The following ADGRA3 variants were observed in gnomAD, a reference collection of about 807,000 sequenced individuals.
ADGRA3 encodes adhesion G protein-coupled receptor A3.
In ADGRA3, 56 loss-of-function variants were observed where a neutral mutation model predicts 119.8. That is an observed-to-expected ratio of 0.47 (90% CI 0.38 to 0.58). ADGRA3 has a LOEUF of 0.58. ADGRA3 is among the 20% of genes least tolerant of loss of function. The pLI, the probability that ADGRA3 is intolerant of heterozygous loss-of-function variation, is 0.00. For missense variants in ADGRA3, 1,516 were observed against 1,649.0 expected, an observed-to-expected ratio of 0.92 and a Z score of 1.40; for synonymous variants, 607 against 623.8, an observed-to-expected ratio of 0.97 and a Z score of 0.40.
chr4:22,423,582 A>G (rs1471647744), intron 11 of ADGRA3, among the ~76,000 whole-genome samples: 1 of 151,662 alleles, frequency 6.6e-6, no homozygotes, highest in Non-Finnish European at 1.5e-5. Flanking sequence ...TCAATTTATC[A>G]TAAATAAAAT....
intron 1 of ADGRA3, among the ~76,000 whole-genome samples, chr4:22,482,246 G>A (rs541600966): frequency 1.3e-5 from 2 of 152,162 alleles, no homozygotes; most frequent in African/African-American, 4.8e-5. Flanking sequence ...AATACATAAA[G>A]TATAAAAATC....
At chr4:22,402,913 T>G in intron 14 of ADGRA3, 114 bp from the exon 15 acceptor site, 2 of 974,110 alleles carry the variant, frequency 2.1e-6, no homozygotes, top group Non-Finnish European at 3.0e-6. Flanking sequence ...CCCTTATGTC[T>G]CTTTATTTTA....
At chr4:22,502,675 AG>A (rs1719090381) in intron 1 of ADGRA3, among the ~76,000 whole-genome samples, 1 of 152,164 alleles carries the variant, frequency 6.6e-6, no homozygotes, top group Admixed American at 6.5e-5. Flanking sequence ...AACAGAAAAA[AG>A]AAAAGCAATG....
intron 10 of ADGRA3, among the ~76,000 whole-genome samples, chr4:22,430,678 C>T (rs570919368): frequency 3.3e-3 from 496 of 152,148 alleles, no homozygotes; most frequent in Non-Finnish European, 5.3e-3. Flanking sequence ...ATCCCATTTT[C>T]TGTGGAGAAA....
chr4:22,438,718 T>C (rs1261627128), intron 7 of ADGRA3, among the ~76,000 whole-genome samples: 1 of 152,034 alleles, frequency 6.6e-6, no homozygotes, highest in Admixed American at 6.6e-5. Flanking sequence ...GCAGAACACT[T>C]TACAGAACAG....
intron 7 of ADGRA3, among the ~76,000 whole-genome samples, chr4:22,440,803 T>G (rs1406628078): frequency 6.6e-6 from 1 of 152,190 alleles, no homozygotes; most frequent in Non-Finnish European, 1.5e-5. Flanking sequence ...TAGTGTACAA[T>G]GTGATGAATT....
At chr4:22,403,466 A>G (rs1714758309) in intron 14 of ADGRA3, among the ~76,000 whole-genome samples, 3 of 152,060 alleles carry the variant, frequency 2.0e-5, no homozygotes, top group Non-Finnish European at 2.9e-5. Context: ...GGCTGAGCAC[A>G]GTGGCTCGCA....
intron 1 of ADGRA3, among the ~76,000 whole-genome samples, chr4:22,497,353 C>T (rs570720155): frequency 2.7e-5 from 4 of 149,496 alleles, no homozygotes; most frequent in African/African-American, 1.0e-4. Context: ...GACATCTTCA[C>T]TATAAAAAAA....
At chr4:22,499,758 T>C (rs771502176) in intron 1 of ADGRA3, among the ~76,000 whole-genome samples, 3 of 152,204 alleles carry the variant, frequency 2.0e-5, no homozygotes, top group Admixed American at 6.5e-5. Flanking sequence ...AACCTAAGTA[T>C]AAATGCCATT....
At chr4:22,475,337 T>C (rs1251916382) in intron 1 of ADGRA3, among the ~76,000 whole-genome samples, 1 of 152,182 alleles carries the variant, frequency 6.6e-6, no homozygotes, top group East Asian at 1.9e-4. Flanking sequence ...TCCTCCCTCA[T>C]TTCAATGTTT....
chr4:22,410,770 T>TA (rs1205568539), intron 14 of ADGRA3, among the ~76,000 whole-genome samples: 3 of 152,164 alleles, frequency 2.0e-5, no homozygotes, highest in Non-Finnish European at 4.4e-5. Flanking sequence ...AATTAGCAAC[T>TA]AACTCCCATG....
At chr4:22,491,395 G>C (rs1224640398) in intron 1 of ADGRA3, among the ~76,000 whole-genome samples, 1 of 152,058 alleles carries the variant, frequency 6.6e-6, no homozygotes, top group Non-Finnish European at 1.5e-5. Flanking sequence ...TATAACAATT[G>C]GGTATAATTT....
In ADGRA3 at chr4:22,445,058, G is replaced by A. The variant is rs756703505; in HGVS notation, c.621C>T (p.Ile207=). The change falls in exon 6 of 19, where the codon ATC becomes ATT. Residue 207 remains isoleucine (I), a synonymous_variant. Coordinates refer to ENST00000334304, the MANE Select transcript of ADGRA3 (RefSeq NM_145290.4). ...AAACACACCTGGTATCCCGTACCGT[G>A]ATGTTCTTCTCCTTTACCCAGCGAT... ...WMHRWVKEKN[I]TVRDTRCVYP... is the part of the protein sequence containing the mutation. 3.1e-6 allele frequency: 5 copies of A among 1,613,964 alleles called. No homozygotes were observed. The highest frequency in any genetic ancestry group is 4.2e-6 in the Non-Finnish European group (5 of 1,179,874).
At chr4:22,470,247 T>C (rs1360431096) in intron 2 of ADGRA3, among the ~76,000 whole-genome samples, 1 of 150,462 alleles carries the variant, frequency 6.6e-6, no homozygotes, top group East Asian at 2.0e-4. Flanking sequence ...ACTAGAAAAC[T>C]AGCTTCCAAG....
chr4:22,436,836 A>G (rs1716415174), intron 8 of ADGRA3, among the ~76,000 whole-genome samples, 195 bp from the exon 9 acceptor site: 1 of 152,212 alleles, frequency 6.6e-6, no homozygotes, highest in Non-Finnish European at 1.5e-5. Context: ...GAAATTCAAC[A>G]TGTTTAATAC....
chr4:22,402,223 C>T (rs138940328), intron 15 of ADGRA3, among the ~76,000 whole-genome samples: 147 of 152,224 alleles, frequency 9.7e-4, no homozygotes, highest in African/African-American at 3.2e-3. Context: ...ACATATCCCA[C>T]GCTTAAATGC....
intron 9 of ADGRA3, 34 bp downstream of exon 9, chr4:22,436,406 A>C: frequency 6.4e-7 from 1 of 1,554,972 alleles, no homozygotes; most frequent in Middle Eastern, 2.3e-4. Context: ...TGTTTTCTCC[A>C]CAACCCAAGT....
chr4:22,476,984 T>C (rs1019807098), intron 1 of ADGRA3, among the ~76,000 whole-genome samples: 1 of 152,144 alleles, frequency 6.6e-6, no homozygotes, highest in Non-Finnish European at 1.5e-5. Context: ...CTTTTATTCT[T>C]TATAATCCTG....
At chr4:22,515,278 G>T in intron 1 of ADGRA3, 1 of 329,174 alleles carries the variant, frequency 3.0e-6, no homozygotes, top group Non-Finnish European at 5.5e-6. Flanking sequence ...GGACAGCGCG[G>T]GGAGCGCCTG....
Sources: gnomAD v4.1 joint callset for allele counts (sites outside exome capture counted in the v4.1 genomes callset) on GRCh38, gnomAD v4.1.1 for gene constraint, MANE v1.5 for transcripts, NCBI Gene and HGNC (gene_info 2026-07-23, HGNC 2026-07-21) for gene names.